The following KCNS3 variants were observed in gnomAD, a reference collection of about 807,000 sequenced individuals.
KCNS3 encodes delayed-rectifier potassium channel regulatory subunit KCNS3.
In KCNS3, 13 loss-of-function variants were observed where a neutral mutation model predicts 31.0. The observed-to-expected ratio is 0.42, with a 90% CI of 0.27 to 0.67. The LOEUF is 0.67. Ranked by LOEUF, KCNS3 falls within the 30% of genes least tolerant of loss-of-function variation. The pLI, the probability that KCNS3 is intolerant of heterozygous loss-of-function variation, is 0.25. For synonymous variants in KCNS3, 238 were observed against 241.5 expected, an observed-to-expected ratio of 0.99 and a Z score of 0.13; for missense variants, 545 against 622.4, an observed-to-expected ratio of 0.88 and a Z score of 1.32.
intron 1 of KCNS3, among the ~76,000 whole-genome samples, chr2:17,909,655 G>C (rs1002027381): frequency 2.6e-5 from 4 of 152,192 alleles, no homozygotes; most frequent in Non-Finnish European, 4.4e-5. Flanking sequence ...TGTTCTTGTT[G>C]AGAAGATATC....
intron 2 of KCNS3, among the ~76,000 whole-genome samples, chr2:17,919,994 C>A (rs1662676083): frequency 6.6e-6 from 1 of 152,088 alleles, no homozygotes; most frequent in African/African-American, 2.4e-5. Context: ...TTTTGTATAT[C>A]CCCACATGGC....
Position 17,902,334 on chromosome 2 carries a change from CTGTGTGTG to C in KCNS3, c.-251-15312_-251-15305del, listed in dbSNP as rs61498649. ...CAGAGAGGAATTTGAGGTTGGGAGACTGTGTGTGTGTGTGTGTGTGTGTGTGTGTGTGT... is the reference window on the plus strand; with the variant it reads ...CAGAGAGGAATTTGAGGTTGGGAGACTGTGTGTGTGTGTGTGTGTGTGTGT... On this transcript the variant is annotated intron_variant, in intron 1 of 2. Transcript: ENST00000304101. Among the ~76,000 whole-genome samples the C allele has an allele frequency of 6.7e-3, 999 of 149,676 alleles. 2 individuals carry two copies. Among genetic ancestry groups the C allele is most frequent in the Non-Finnish European group, 9.1e-3 (616 of 67,372 alleles).
intron 1 of KCNS3, among the ~76,000 whole-genome samples, chr2:17,907,177 CTCT>C (rs1251193635): frequency 5.9e-5 from 9 of 151,942 alleles, no homozygotes; most frequent in African/African-American, 1.9e-4. Context: ...AGATAGTTAG[CTCT>C]TCTTGTTGAA....
Position 17,931,266 on chromosome 2 carries a change from G to T in KCNS3, c.258G>T (p.Gly86=), listed in dbSNP as rs1662956241. ...ATGTTTTGAATTTTTATTACACGGG[G>T]AAGCTGCATGTCATGGAGGAGCTGT... The part of the protein sequence containing the change: ...FRYVLNFYYT[G]KLHVMEELCV... Residue 86 remains glycine, a synonymous_variant, in exon 3 of 3, where the codon GGG becomes GGT. Coordinates refer to ENST00000304101, the MANE Select transcript of KCNS3 (RefSeq NM_002252.5). This position sits in a 1 kb window ranked among gnomAD's most constrained non-coding sequence, Gnocchi z 5.4. 6.2e-7 allele frequency: 1 copy of T among 1,614,008 alleles called. No homozygotes were observed. The highest frequency in any genetic ancestry group is 2.2e-5 in the East Asian group (1 of 44,894).
At chr2:17,908,873 G>C (rs573289180) in intron 1 of KCNS3, among the ~76,000 whole-genome samples, 10 of 152,316 alleles carry the variant, frequency 6.6e-5, no homozygotes, top group African/African-American at 2.4e-4. Flanking sequence ...TGCCCCTACT[G>C]GGGGGTGCCT....
At chr2:17,909,959 T>G (rs1198938007) in intron 1 of KCNS3, among the ~76,000 whole-genome samples, 1 of 152,226 alleles carries the variant, frequency 6.6e-6, no homozygotes, top group Non-Finnish European at 1.5e-5. Context: ...GATGCACATT[T>G]TAACAGGATC....
rs1553341407 is a variant in KCNS3 at position 17,888,633 on chromosome 2, A to ATCTATCTATC, written c.-252+9828_-252+9829insCTATCTATCT. Among the ~76,000 whole-genome samples the ATCTATCTATC allele has an allele frequency of 1.1e-3, 57 of 50,468 alleles. 2 individuals are homozygous for ATCTATCTATC. Among genetic ancestry groups the ATCTATCTATC allele is most frequent in the Admixed American group, 7.6e-3 (45 of 5,894 alleles). The allele number at this position is 50,468 out of a possible 152,430, so 33.1% of individuals were successfully genotyped here. A position where few individuals can be genotyped will look rare whatever the true frequency, so the allele number is the denominator to read the frequency against. Reference sequence around the variant, plus strand: ...TTAAAGTATAATAAAAAAAATGTATATATATATATATATATATATATATAT... The same window carrying ATCTATCTATC: ...TTAAAGTATAATAAAAAAAATGTATATCTATCTATCTATATATATATATATATATATATAT... On this transcript the variant is annotated intron_variant, in intron 1 of 2. Transcript: ENST00000304101.
At chr2:17,884,263 AAAAAAATAT>A in intron 1 of KCNS3, among the ~76,000 whole-genome samples, 1 of 47,244 alleles carries the variant, frequency 2.1e-5, no homozygotes, top group Admixed American at 2.2e-4. Context: ...AATTAAAAAA[AAAAAAATAT>A]ATATATATAT....
chr2:17,883,799 C>A (rs921312865), intron 1 of KCNS3, among the ~76,000 whole-genome samples: 3 of 152,002 alleles, frequency 2.0e-5, no homozygotes, highest in Non-Finnish European at 2.9e-5. Flanking sequence ...ATAAAGACAC[C>A]TGCACACGTA....
At chr2:17,925,451 G>C in intron 2 of KCNS3, among the ~76,000 whole-genome samples, 1 of 152,156 alleles carries the variant, frequency 6.6e-6, no homozygotes, top group East Asian at 1.9e-4. Flanking sequence ...GTATTAATCT[G>C]TTTTCACGCT....
chr2:17,892,807 G>A (rs927336845), intron 1 of KCNS3, among the ~76,000 whole-genome samples: 16 of 152,208 alleles, frequency 1.1e-4, no homozygotes, highest in African/African-American at 1.4e-4. Flanking sequence ...TCTCTCAGCC[G>A]TGGATACCAG....
chr2:17,903,560 A>G (rs924136987), intron 1 of KCNS3, among the ~76,000 whole-genome samples: 17 of 151,980 alleles, frequency 1.1e-4, no homozygotes, highest in Admixed American at 6.6e-4. Context: ...GCACCTATTA[A>G]CTTGTCATTT....
At chr2:17,888,842 G>T (rs7606497) in intron 1 of KCNS3, among the ~76,000 whole-genome samples, 49,284 of 150,682 alleles carry the variant, frequency 0.33, 8,698 homozygotes, top group East Asian at 0.57. Flanking sequence ...TTATAGTATA[G>T]TTTGAAATCA....
Position 17,932,414 on chromosome 2 carries a change from A to G in KCNS3, c.1406A>G (p.Asp469Gly), listed in dbSNP as rs753625952. ...GTGGTGAGCGATCCTGACTCCACAG[A>G]TGCTTCAAGCATTGAAGACAATGAG... ...GIVVSDPDST[D>G]ASSIEDNEDI... The change falls in exon 3 of 3, where the codon GAT (aspartate) becomes GGT (glycine). Residue 469 changes from aspartate to glycine, a missense_variant. Coordinates refer to ENST00000304101, the MANE Select transcript of KCNS3 (RefSeq NM_002252.5). The G allele has an allele frequency of 6.2e-7, 1 of 1,614,120 alleles. No individual in the cohort carries two copies. The highest frequency in any genetic ancestry group is 1.7e-5 in the Admixed American group (1 of 60,030).
chr2:17,888,661 AT>A (rs1661762838), intron 1 of KCNS3, among the ~76,000 whole-genome samples: 1 of 138,444 alleles, frequency 7.2e-6, no homozygotes, highest in African/African-American at 2.6e-5. Context: ...ATATATATAT[AT>A]ATATATATAT....
intron 1 of KCNS3, among the ~76,000 whole-genome samples, chr2:17,887,484 G>GATCGATCTATCT (rs1553341246): frequency 1.6e-3 from 241 of 146,358 alleles, no homozygotes; most frequent in Non-Finnish European, 2.4e-3. Flanking sequence ...TCTATCATAT[G>GATCGATCTATCT]ATCTATCTAT....
chr2:17,878,008 T>A (rs555467199), upstream of KCNS3: 1 of 152,300 alleles, frequency 6.6e-6, no homozygotes, highest in East Asian at 1.9e-4. Flanking sequence ...ATGAGGCGCA[T>A]CTGCTTGGTG....
chr2:17,922,041 C>T (rs557024522), intron 2 of KCNS3, among the ~76,000 whole-genome samples: 5 of 146,926 alleles, frequency 3.4e-5, no homozygotes, highest in South Asian at 2.1e-4. Flanking sequence ...GTTTGATATG[C>T]CTCTTATTTG....
Position 17,901,773 on chromosome 2 carries a change from G to A in KCNS3, c.-251-15907G>A, listed in dbSNP as rs993977747. Among the ~76,000 whole-genome samples, 4 of 152,106 alleles carry A rather than the reference G, an allele frequency of 2.6e-5. No individual in the cohort carries two copies. In the South Asian group the frequency reaches 8.3e-4, roughly 32 times the overall value. On this transcript the variant is annotated intron_variant, in intron 1 of 2. Coordinates refer to ENST00000304101, the MANE Select transcript of KCNS3 (RefSeq NM_002252.5). ...AGCTTGGTTGATGATATTAAAACAG[G>A]AAGAACCATAGTTGCCAACATTTAA...
Sources: allele counts gnomAD v4.1 joint callset (sites outside exome capture counted in the v4.1 genomes callset), GRCh38; gene constraint gnomAD v4.1.1; non-coding constraint Gnocchi (gnomAD v3.1); transcripts MANE v1.5; gene names NCBI Gene and HGNC (gene_info 2026-07-23, HGNC 2026-07-21).